The following CELF2 variants were observed in gnomAD, a reference collection of about 807,000 sequenced individuals.
The protein encoded by CELF2 is CUG triplet repeat RNA-binding protein 2.
A neutral mutation model predicts 62.6 loss-of-function variants in CELF2; 8 were observed. The ratio of observed to expected loss-of-function variants is 0.13; its 90% CI spans 0.07 to 0.23. The LOEUF (loss-of-function observed/expected upper bound fraction) is 0.23. Among genes scored for constraint, CELF2 ranks in the 10% least tolerant of loss-of-function variants. The pLI is 1.00. For missense variants in CELF2, 333 were observed against 671.0 expected, an observed-to-expected ratio of 0.50 and a Z score of 5.56; for synonymous variants, 258 against 250.0, an observed-to-expected ratio of 1.03 and a Z score of -0.30.
the CELF2 span, among the ~76,000 whole-genome samples, chr10:10,548,651 C>CT: frequency 5.9e-5 from 9 of 151,860 alleles, no homozygotes; most frequent in African/African-American, 1.9e-4. Context: ...TATGTTTTTT[C>CT]TTTTTTTTAG....
At chr10:10,487,143 T>G in the CELF2 span, among the ~76,000 whole-genome samples, 8 of 152,304 alleles carry the variant, frequency 5.3e-5, no homozygotes, top group African/African-American at 1.4e-4. Flanking sequence ...TCTCAGCAAA[T>G]GGGGATGCTG....
chr10:11,028,791 C>T lies in CELF2; in HGVS notation c.74+10628C>T, dbSNP rs188114704. Among the ~76,000 whole-genome samples, 25 of 150,228 alleles carry T rather than the reference C, an allele frequency of 1.7e-4. No homozygotes were observed. In the East Asian group the frequency reaches 4.9e-3, roughly 29 times the overall value. On this transcript the variant is annotated intron_variant, in intron 1 of 12. Coordinates refer to ENST00000633077, the MANE Select transcript of CELF2 (RefSeq NM_001326342.2). Reference sequence around the variant, plus strand: ...CTAGAGTGCAGTGGTGCGATCTTGGCTCACTGCAACCTCCACCTCCTGGGT... The same window carrying T: ...CTAGAGTGCAGTGGTGCGATCTTGGTTCACTGCAACCTCCACCTCCTGGGT...
intron 1 of CELF2, among the ~76,000 whole-genome samples, chr10:11,161,193 A>G (rs1237808971): frequency 1.3e-5 from 2 of 152,224 alleles, no homozygotes; most frequent in Admixed American, 6.5e-5. Flanking sequence ...TTTCATTTTC[A>G]TCTTGTCTCT....
At chr10:10,496,836 G>C in the CELF2 span, among the ~76,000 whole-genome samples, 3,747 of 152,122 alleles carry the variant, frequency 0.025, 147 homozygotes, top group African/African-American at 0.086. Flanking sequence ...TGGAGGGAGG[G>C]TCAATAATGA....
rs1219479257 is a variant in CELF2 at position 11,305,727 on chromosome 10, A to C, written c.977-8412A>C. Among the ~76,000 whole-genome samples the C allele has an allele frequency of 6.6e-6, 1 of 152,186 alleles. No homozygotes were observed. The highest frequency in any genetic ancestry group is 1.5e-5 in the Non-Finnish European group (1 of 68,038). ...GTGTAGTGTTCATCCCAGACCTAGC[A>C]CAGCTCTAAGGAGAAGGAACCCATC... is the stretch of plus-strand genomic sequence containing the variant. On this transcript the variant is annotated intron_variant, in intron 9 of 12. Transcript: ENST00000633077. The surrounding 1 kb of genome is among the most constrained non-coding windows in gnomAD (Gnocchi z 4.8).
Position 11,285,540 on chromosome 10 carries a change from T to C in CELF2, c.842-2878T>C, listed in dbSNP as rs2090938766. On this transcript the variant is annotated intron_variant, in intron 8 of 12. Coordinates refer to ENST00000633077, the MANE Select transcript of CELF2 (RefSeq NM_001326342.2). The surrounding 1 kb of genome is among the most constrained non-coding windows in gnomAD (Gnocchi z 4.3). ...GGCAGTGGAGAGAACCTGAGTGCTG[T>C]CAGCTCAGTTCCAGGACCTTTAGTG... is the stretch of plus-strand genomic sequence containing the variant. Among the ~76,000 whole-genome samples the C allele has an allele frequency of 6.6e-6, 1 of 152,170 alleles. No individual in the cohort carries two copies. Among genetic ancestry groups the C allele is most frequent in the Non-Finnish European group, 1.5e-5 (1 of 68,028 alleles).
At chr10:11,180,030 G>A (rs2072768416) in intron 2 of CELF2, among the ~76,000 whole-genome samples, 1 of 152,160 alleles carries the variant, frequency 6.6e-6, no homozygotes. Context: ...TGTTTCTAAT[G>A]TGAGGTTCTG....
At chr10:11,143,711 G>A (rs1280046777) in intron 1 of CELF2, among the ~76,000 whole-genome samples, 3 of 152,172 alleles carry the variant, frequency 2.0e-5, no homozygotes, top group Non-Finnish European at 4.4e-5. Flanking sequence ...GCTACCAAAG[G>A]CACCAGTCTT....
intron 1 of CELF2, among the ~76,000 whole-genome samples, chr10:11,105,258 A>C (rs946937573): frequency 1.3e-5 from 2 of 152,132 alleles, no homozygotes; most frequent in African/African-American, 2.4e-5. Flanking sequence ...GTTTGAATCT[A>C]CCTCACTTCC....
At chr10:10,750,889 G>A in the CELF2 span, among the ~76,000 whole-genome samples, 5 of 152,288 alleles carry the variant, frequency 3.3e-5, no homozygotes, top group South Asian at 1.0e-3. Context: ...TGAGGTCCCT[G>A]GAGTCACTAA....
chr10:10,753,299 CTGTGTGTGTGTG>C, the CELF2 span, among the ~76,000 whole-genome samples: 2 of 149,802 alleles, frequency 1.3e-5, no homozygotes, highest in South Asian at 2.1e-4. Context: ...TTCCAAAGCT[CTGTGTGTGTGTG>C]TGTGTGTGTG....
the CELF2 span, among the ~76,000 whole-genome samples, chr10:10,766,081 T>A: frequency 6.6e-6 from 1 of 152,178 alleles, no homozygotes; most frequent in African/African-American, 2.4e-5. Flanking sequence ...AAGTGTCCCA[T>A]CCACTCAGCC....
At chr10:11,128,690 G>A (rs1033865274) in intron 1 of CELF2, among the ~76,000 whole-genome samples, 21 of 152,258 alleles carry the variant, frequency 1.4e-4, no homozygotes, top group African/African-American at 4.6e-4. Flanking sequence ...TCTGTTATTG[G>A]TGTATAGGAA....
chr10:10,816,452 T>A lies in CELF2; in HGVS notation c.53+17635T>A, dbSNP rs150604214. On this transcript the variant is annotated intron_variant, in intron 1 of 13. Coordinates refer to the CELF2 transcript ENST00000636488. ...ATCAAGATGTTTCAAGTATATTGAG[T>A]GTATTTTGCTAATGCACAGTTTAAT... Among the ~76,000 whole-genome samples the A allele has an allele frequency of 1.7e-3, 259 of 152,320 alleles. 4 individuals are homozygous for A. In the Middle Eastern group the frequency reaches 0.041, roughly 24 times the overall value.
At chr10:10,463,155 T>C in the CELF2 span, among the ~76,000 whole-genome samples, 1 of 152,192 alleles carries the variant, frequency 6.6e-6, no homozygotes, top group Non-Finnish European at 1.5e-5. Context: ...AGGAGTTCAT[T>C]AGCCAACTAA....
intron 1 of CELF2, among the ~76,000 whole-genome samples, chr10:10,800,300 C>A (rs2054533496): frequency 6.6e-6 from 1 of 152,176 alleles, no homozygotes; most frequent in Non-Finnish European, 1.5e-5. Context: ...CATGTTTCTG[C>A]CTAACTTTCA....
At chr10:10,466,915 G>T in the CELF2 span, among the ~76,000 whole-genome samples, 2 of 151,978 alleles carry the variant, frequency 1.3e-5, no homozygotes, top group Non-Finnish European at 2.9e-5. Flanking sequence ...AGTTGTAGGA[G>T]TTATTTTTTC....
At chr10:11,080,401 T>G (rs1481214724) in intron 1 of CELF2, among the ~76,000 whole-genome samples, 1 of 152,152 alleles carries the variant, frequency 6.6e-6, no homozygotes, top group African/African-American at 2.4e-5. Context: ...AGTGGGCGAG[T>G]ACATATATTT....
chr10:10,555,822 A>C, the CELF2 span, among the ~76,000 whole-genome samples: 1 of 152,156 alleles, frequency 6.6e-6, no homozygotes, highest in Non-Finnish European at 1.5e-5. Flanking sequence ...ACTACAAAGA[A>C]TGTCCTGCAC....
Sources: allele counts gnomAD v4.1 joint callset (sites outside exome capture counted in the v4.1 genomes callset), GRCh38; gene constraint gnomAD v4.1.1; non-coding constraint Gnocchi (gnomAD v3.1); transcripts MANE v1.5; gene names NCBI Gene and HGNC (gene_info 2026-07-23, HGNC 2026-07-21).